The following CCDC3 variants were observed in gnomAD, a reference collection of about 807,000 sequenced individuals.
CCDC3 encodes the protein coiled-coil domain-containing protein 3.
In CCDC3, 24 loss-of-function variants were observed where a neutral mutation model predicts 21.4. The observed-to-expected ratio is 1.12, with a 90% confidence interval of 0.81 to 1.58. The LOEUF (loss-of-function observed/expected upper bound fraction) is 1.58. Among genes scored for constraint, CCDC3 ranks in the 40% most tolerant of loss-of-function variants. The pLI is 0.00. For synonymous variants in CCDC3, 186 were observed against 166.0 expected (o/e 1.12, Z -0.93); for missense variants, 425 against 360.9 (o/e 1.18, Z -1.44).
chr10:12,909,026 G>C (rs117127588), intron 2 of CCDC3, among the ~76,000 whole-genome samples: 1 of 152,188 alleles, frequency 6.6e-6, no homozygotes, highest in Admixed American at 6.5e-5. Flanking sequence ...ATGGGGCTCT[G>C]GTCTAGATGC....
intron 4 of CCDC3, among the ~76,000 whole-genome samples, chr10:13,053,942 C>A (rs1362861823): frequency 6.6e-6 from 1 of 152,010 alleles, no homozygotes; most frequent in Non-Finnish European, 1.5e-5. Flanking sequence ...GTCAGGAGTT[C>A]AAGACCAGCC....
In CCDC3 at chr10:12,918,295, A is replaced by G. The variant is rs1345505587; in HGVS notation, c.550-19616T>C. Among the ~76,000 whole-genome samples the G allele has an allele frequency of 2.0e-5, 3 of 152,210 alleles. No individual in the cohort carries two copies. In the East Asian group the frequency reaches 5.8e-4, roughly 29 times the overall value. The stretch of plus-strand genomic sequence containing the variant: ...TCCTTTTTCAAAAATTTCTTGGCCA[A>G]CGTTTTTAAAATACAGAAGGATTCT... On this transcript the variant is annotated intron_variant, in intron 2 of 2. Transcript: ENST00000378825.
intron 5 of CCDC3, among the ~76,000 whole-genome samples, chr10:13,023,904 A>G (rs1836183254): frequency 6.6e-6 from 1 of 152,174 alleles, no homozygotes; most frequent in Non-Finnish European, 1.5e-5. Context: ...TAAGGCAAGC[A>G]TAGGAAACCT....
chr10:12,929,904 A>G (rs1834612983), intron 2 of CCDC3, among the ~76,000 whole-genome samples: 1 of 152,234 alleles, frequency 6.6e-6, no homozygotes, highest in African/African-American at 2.4e-5. Context: ...GGGAGAGGGT[A>G]AAGTACTATT....
intron 5 of CCDC3, among the ~76,000 whole-genome samples, chr10:13,010,978 G>A (rs1189419788): frequency 1.3e-5 from 2 of 152,078 alleles, no homozygotes; most frequent in East Asian, 1.9e-4. Flanking sequence ...TCAGGAGCTC[G>A]AGATCAGCCT....
At chr10:12,953,051 G>A (rs58305276) in intron 2 of CCDC3, among the ~76,000 whole-genome samples, 4,641 of 152,018 alleles carry the variant, frequency 0.031, 182 homozygotes, top group African/African-American at 0.089. Flanking sequence ...TTTTCACACT[G>A]CTGATAAAGA....
chr10:13,051,154 G>GC, intron 4 of CCDC3, among the ~76,000 whole-genome samples: 1 of 152,168 alleles, frequency 6.6e-6, no homozygotes, highest in Admixed American at 6.5e-5. Flanking sequence ...TTCAGATTCT[G>GC]CCCCCAAAGG....
chr10:13,069,787 C>A (rs1418801082), intron 4 of CCDC3, among the ~76,000 whole-genome samples: 1 of 152,176 alleles, frequency 6.6e-6, no homozygotes, highest in Non-Finnish European at 1.5e-5. Flanking sequence ...CGCTATCAAT[C>A]ATAATTAAGG....
chr10:12,942,760 A>G (rs1286181251), intron 2 of CCDC3, among the ~76,000 whole-genome samples: 4 of 152,138 alleles, frequency 2.6e-5, no homozygotes, highest in African/African-American at 9.7e-5. Context: ...GCTCTTCTAT[A>G]AAACCCCATG....
intron 4 of CCDC3, among the ~76,000 whole-genome samples, chr10:13,070,503 T>A (rs61851366): frequency 0.19 from 29,622 of 152,086 alleles, 3,632 homozygotes; most frequent in East Asian, 0.29. Context: ...GAAACTGGCC[T>A]CATATCTTCG....
intron 2 of CCDC3, among the ~76,000 whole-genome samples, chr10:12,911,783 T>C (rs530667346): frequency 1.3e-5 from 2 of 152,352 alleles, no homozygotes; most frequent in East Asian, 1.9e-4. Flanking sequence ...AACTGAAATA[T>C]TGTACCCTTT....
intron 2 of CCDC3, among the ~76,000 whole-genome samples, chr10:12,909,284 A>G (rs527276761): frequency 1.3e-5 from 2 of 152,340 alleles, no homozygotes; most frequent in South Asian, 4.1e-4. Context: ...GCCACTGACC[A>G]TCGGCCCTCA....
intron 2 of CCDC3, among the ~76,000 whole-genome samples, chr10:12,948,037 T>C (rs2131245011): frequency 6.6e-6 from 1 of 152,282 alleles, no homozygotes; most frequent in East Asian, 1.9e-4. Context: ...TGACTCTGTG[T>C]CCCCACCCAA....
At chr10:12,900,067 ATT>A (rs543505840) in intron 2 of CCDC3, among the ~76,000 whole-genome samples, 372 of 152,200 alleles carry the variant, frequency 2.4e-3, no homozygotes, top group African/African-American at 8.4e-3. Context: ...TGAACACTCT[ATT>A]GCCTGCCATC....
At chr10:13,063,929 T>C (rs549620368) in intron 4 of CCDC3, among the ~76,000 whole-genome samples, 3 of 151,838 alleles carry the variant, frequency 2.0e-5, no homozygotes, top group African/African-American at 7.2e-5. Context: ...TTTGTTGTTG[T>C]TGATGTTGTT....
chr10:12,981,612 G>A (rs1050474236), intron 2 of CCDC3, among the ~76,000 whole-genome samples: 1 of 152,170 alleles, frequency 6.6e-6, no homozygotes, highest in Non-Finnish European at 1.5e-5. Context: ...TGAGGCCAGT[G>A]AAGCCTCTTC....
intron 2 of CCDC3, among the ~76,000 whole-genome samples, chr10:12,951,035 G>T (rs1834999657): frequency 6.6e-6 from 1 of 152,178 alleles, no homozygotes; most frequent in Non-Finnish European, 1.5e-5. Flanking sequence ...GTTAGAAAAG[G>T]CCAAGCAGGA....
intron 2 of CCDC3, among the ~76,000 whole-genome samples, chr10:12,930,938 T>C (rs1203150629): frequency 1.3e-5 from 2 of 152,052 alleles, no homozygotes; most frequent in Non-Finnish European, 2.9e-5. Context: ...TGGCCGGGTG[T>C]AGTGGCTCAC....
intron 4 of CCDC3, among the ~76,000 whole-genome samples, chr10:13,061,282 G>A (rs1200857172): frequency 6.6e-6 from 1 of 152,174 alleles, no homozygotes; most frequent in Non-Finnish European, 1.5e-5. Context: ...TGCTGTTACT[G>A]CAGTGGGCTT....
Sources: allele counts gnomAD v4.1 joint callset (sites outside exome capture counted in the v4.1 genomes callset), GRCh38; gene constraint gnomAD v4.1.1; transcripts MANE v1.5; gene names NCBI Gene and HGNC (gene_info 2026-07-23, HGNC 2026-07-21).